The following FAM193A variants were observed in gnomAD, a reference collection of about 807,000 sequenced individuals.
FAM193A encodes family with sequence similarity 193 member A, also known as protein FAM193A.
In FAM193A, 22 loss-of-function variants were observed where a neutral mutation model predicts 126.5. The observed-to-expected ratio is 0.17, with a 90% CI of 0.12 to 0.25. The LOEUF (loss-of-function observed/expected upper bound fraction) is 0.25. Among genes scored for constraint, FAM193A ranks in the 10% least tolerant of loss-of-function variants. The pLI is 1.00. For missense variants in FAM193A, 1,675 were observed against 1,672.8 expected (o/e 1.00, Z -0.02); for synonymous variants, 761 against 646.8 (o/e 1.18, Z -2.68).
intron 2 of FAM193A, among the ~76,000 whole-genome samples, chr4:2,602,959 CTTTTTTTTT>C (rs71178487): frequency 1.2e-4 from 5 of 42,292 alleles, no homozygotes; most frequent in Admixed American, 4.2e-4. Flanking sequence ...TGCACCCGGC[CTTTTTTTTT>C]TTTTTTTTTT....
At chr4:2,600,796 A>G (rs1741151772) in intron 2 of FAM193A, among the ~76,000 whole-genome samples, 2 of 152,150 alleles carry the variant, frequency 1.3e-5, no homozygotes, top group African/African-American at 2.4e-5. Flanking sequence ...CCCATGACCC[A>G]TGGAATGCAA....
At chr4:2,579,353 G>T (rs1363539173) in intron 1 of FAM193A, among the ~76,000 whole-genome samples, 3 of 151,486 alleles carry the variant, frequency 2.0e-5, no homozygotes, top group Non-Finnish European at 4.4e-5. Flanking sequence ...AAAAAAATTA[G>T]CCAGGTGTGG....
chr4:2,641,397 A>G (rs193190867), intron 6 of FAM193A, among the ~76,000 whole-genome samples: 12 of 151,746 alleles, frequency 7.9e-5, no homozygotes, highest in African/African-American at 2.7e-4. Flanking sequence ...GGTGGCTCAC[A>G]CCTGTAATCC....
rs536898709 is a variant in FAM193A at position 2,711,619 on chromosome 4, C to T, written c.4373-4404C>T. On this transcript the variant is annotated intron_variant, in intron 19 of 20. Coordinates refer to ENST00000637812, the MANE Select transcript of FAM193A (RefSeq NM_001366318.2). The stretch of plus-strand genomic sequence containing the variant: ...CCTCCCAAAGTGCTGGGATTACTGG[C>T]GTGAGCCACCACGCCGAGCCTCCAT... 1.5e-3 allele frequency among the ~76,000 whole-genome samples: 230 copies of T among 151,522 alleles called. 1 individual carries two copies. The highest frequency in any genetic ancestry group is 5.4e-3 in the African/African-American group (224 of 41,390).
intron 2 of FAM193A, among the ~76,000 whole-genome samples, chr4:2,624,710 T>TA (rs1742783103): frequency 6.6e-6 from 1 of 152,218 alleles, no homozygotes; most frequent in South Asian, 2.1e-4. Flanking sequence ...TTAAACTTTT[T>TA]AAAAAAATTT....
intron 1 of FAM193A, among the ~76,000 whole-genome samples, chr4:2,586,461 G>A (rs192927389): frequency 9.3e-4 from 141 of 151,750 alleles, no homozygotes; most frequent in African/African-American, 3.3e-3. Context: ...GTATCTAGTT[G>A]TTCTGTATTA....
intron 1 of FAM193A, among the ~76,000 whole-genome samples, chr4:2,542,321 G>C (rs920429003): frequency 2.0e-5 from 3 of 151,904 alleles, no homozygotes; most frequent in African/African-American, 7.3e-5. Context: ...TGTATTTTTA[G>C]TAGAGACGGG....
intron 1 of FAM193A, among the ~76,000 whole-genome samples, chr4:2,573,376 G>C (rs1577024873): frequency 6.6e-6 from 1 of 152,080 alleles, no homozygotes; most frequent in African/African-American, 2.4e-5. Flanking sequence ...GCCAGTGCGT[G>C]GTGACGGGCA....
In FAM193A at chr4:2,696,481, G is replaced by A. The variant is rs750652379; in HGVS notation, c.3395G>A (p.Ser1132Asn). Residue 1132 changes from serine (S) to asparagine (N), a missense_variant, in exon 18 of 21, where the codon AGC becomes AAC. This residue lies in a region of FAM193A where 54 missense variants were observed against 114.8 expected (regional missense o/e 0.47). Transcript: ENST00000637812. The part of the protein sequence containing the change: ...KKMDQISERE[S>N]VVDHRRVEDL... The stretch of plus-strand genomic sequence containing the variant: ...ATGGACCAGATCTCAGAAAGGGAAA[G>A]CGTCGTTGACCATCGGAGGGTGGAG... 2 of 1,614,256 alleles carry A rather than the reference G, an allele frequency of 1.2e-6. No homozygotes were observed. Among genetic ancestry groups the A allele is most frequent in the East Asian group, 4.5e-5 (2 of 44,896 alleles).
chr4:2,715,406 T>G, intron 19 of FAM193A: 2 of 662,310 alleles, frequency 3.0e-6, no homozygotes, highest in Non-Finnish European at 3.7e-6. Flanking sequence ...GAGGTTCCAG[T>G]GAGCCGAGAT....
chr4:2,537,247 C>A, intron 1 of FAM193A, 77 bp downstream of exon 1: 1 of 169,956 alleles, frequency 5.9e-6, no homozygotes, highest in East Asian at 1.3e-4. Flanking sequence ...AGCTCGGCCT[C>A]CCGCTGTCGG....
At chr4:2,680,233 T>G (rs1026781849) in intron 13 of FAM193A, among the ~76,000 whole-genome samples, 3 of 152,256 alleles carry the variant, frequency 2.0e-5, no homozygotes, top group African/African-American at 7.2e-5. Flanking sequence ...TCTATTTCTT[T>G]ATGATTTCGT....
At chr4:2,558,304 T>C (rs573967822) in intron 1 of FAM193A, among the ~76,000 whole-genome samples, 2 of 150,844 alleles carry the variant, frequency 1.3e-5, no homozygotes, top group African/African-American at 4.9e-5. Context: ...AAAAAAATAG[T>C]GTACTACAAT....
At chr4:2,561,497 CTTTT>C (rs34320054) in intron 1 of FAM193A, among the ~76,000 whole-genome samples, 2 of 117,532 alleles carry the variant, frequency 1.7e-5, no homozygotes, top group Admixed American at 9.1e-5. Flanking sequence ...GTAGAGATTT[CTTTT>C]TTTTTTTTTT....
intron 5 of FAM193A, among the ~76,000 whole-genome samples, chr4:2,638,833 C>G (rs1372372635): frequency 6.6e-6 from 1 of 152,220 alleles, no homozygotes; most frequent in Non-Finnish European, 1.5e-5. Context: ...ATCAACTCAG[C>G]TTGGCTATAT....
rs1736922731 is a variant in FAM193A at position 2,537,107 on chromosome 4, G to T, written c.192G>T (p.Ala64=). ...SAAGLVGGAA[A]ANGPLGAGAS... ...CAGGCCTGGTGGGCGGCGCGGCGGC[G>T]GCCAACGGGCCTCTCGGCGCGGGCG... Residue 64 remains alanine, a synonymous_variant, in exon 1 of 21, where the codon GCG becomes GCT. Transcript: ENST00000637812. 6.3e-6 allele frequency: 1 copy of T among 159,608 alleles called. No homozygotes were observed. Among genetic ancestry groups the T allele is most frequent in the South Asian group, 1.8e-4 (1 of 5,546 alleles). The allele number at this position is 159,608 out of a possible 1,614,324, so 9.9% of individuals were successfully genotyped here.
chr4:2,555,315 C>T (rs1738186878), intron 1 of FAM193A, among the ~76,000 whole-genome samples: 2 of 152,094 alleles, frequency 1.3e-5, no homozygotes, highest in South Asian at 4.1e-4. Context: ...TTTGTTTTTA[C>T]TATGGAAGTA....
intron 1 of FAM193A, among the ~76,000 whole-genome samples, chr4:2,568,973 C>CTTTTTTTTTTTTTTTT (rs753557878): frequency 6.6e-5 from 6 of 90,724 alleles, no homozygotes; most frequent in Non-Finnish European, 9.7e-5. Flanking sequence ...TGTTGTTTTG[C>CTTTTTTTTTTTTTTTT]TTTTTTTTTT....
At chr4:2,617,802 A>G (rs1742303035) in intron 2 of FAM193A, among the ~76,000 whole-genome samples, 1 of 152,270 alleles carries the variant, frequency 6.6e-6, no homozygotes, top group African/African-American at 2.4e-5. Context: ...CTCAGCATAC[A>G]TTGTCATTTT....
Sources: gnomAD v4.1 joint callset for allele counts (sites outside exome capture counted in the v4.1 genomes callset) on GRCh38, gnomAD v4.1.1 for gene constraint, gnomAD v4.1.1 regional missense constraint, MANE v1.5 for transcripts, NCBI Gene and HGNC (gene_info 2026-07-23, HGNC 2026-07-21) for gene names.